Variants in SMOC2 observed in about 807,000 individuals in gnomAD.
The protein encoded by SMOC2 is SPARC related modular calcium binding 2.
In SMOC2, 39 loss-of-function variants were observed where a neutral mutation model predicts 61.4. That is an observed-to-expected ratio of 0.64 (90% CI 0.49 to 0.83). The LOEUF is 0.83. SMOC2 is among the 40% of genes least tolerant of loss of function. The pLI is 0.00. For synonymous variants in SMOC2, 247 were observed against 239.9 expected, an observed-to-expected ratio of 1.03 and a Z score of -0.27; for missense variants, 556 against 592.9, an observed-to-expected ratio of 0.94 and a Z score of 0.65.
intron 2 of SMOC2, among the ~76,000 whole-genome samples, chr6:168,518,749 ATGTG>A (rs202020602): frequency 1.2e-3 from 173 of 148,664 alleles, no homozygotes; most frequent in South Asian, 6.7e-3. Context: ...GTGAATGTGC[ATGTG>A]TGTGTGTTCA....
chr6:168,601,373 A>G (rs927822633), intron 8 of SMOC2, among the ~76,000 whole-genome samples: 33 of 152,340 alleles, frequency 2.2e-4, no homozygotes, highest in East Asian at 1.9e-3. Context: ...GACACTGCAC[A>G]GGGGTGCTGA....
intron 7 of SMOC2, among the ~76,000 whole-genome samples, chr6:168,595,992 C>CT (rs1785322041): frequency 7.4e-6 from 1 of 134,714 alleles, no homozygotes; most frequent in African/African-American, 2.6e-5. Flanking sequence ...AGAAGCGCTG[C>CT]GGCGGTGCTG....
chr6:168,509,117 C>A (rs1379964437), intron 1 of SMOC2, among the ~76,000 whole-genome samples: 1 of 152,194 alleles, frequency 6.6e-6, no homozygotes, highest in Non-Finnish European at 1.5e-5. Flanking sequence ...ACGGGGCCAG[C>A]ACGCCCAGAT....
intron 9 of SMOC2, among the ~76,000 whole-genome samples, chr6:168,624,115 A>C (rs945556234): frequency 1.5e-4 from 23 of 152,228 alleles, no homozygotes; most frequent in African/African-American, 5.5e-4. Flanking sequence ...CCACCACCAC[A>C]ACATTCAAAA....
In SMOC2 at chr6:168,664,103, A is replaced by G. The variant is rs118133242; in HGVS notation, c.1315A>G (p.Asn439Asp). The G allele has an allele frequency of 5.8e-3, 9,306 of 1,604,154 alleles. 50 individuals carry two copies. Among genetic ancestry groups the G allele is most frequent in the Non-Finnish European group, 6.3e-3 (7,357 of 1,176,456 alleles). Residue 439 changes from asparagine (N) to aspartate (D), a missense_variant, in exon 12 of 13, where the codon AAT (asparagine) becomes GAT (aspartate). Physicochemically the swap from Asn to Asp is conservative, Grantham distance 23 (BLOSUM62 1). Transcript: ENST00000356284. ...CAGAGGTCATGCTGAAAGTACGTCT[A>G]ATAGACAGGTAAGTATGTTTATATT... ...TPRGHAESTS[N>D]RQPRKQG
At chr6:168,520,483 G>A (rs1783303680) in intron 2 of SMOC2, among the ~76,000 whole-genome samples, 1 of 152,232 alleles carries the variant, frequency 6.6e-6, no homozygotes, top group Non-Finnish European at 1.5e-5. Flanking sequence ...ATGGGGAGAT[G>A]GCAGTGCAAG....
In SMOC2 at chr6:168,663,641, G is replaced by T. The variant is rs1425405795; in HGVS notation, c.1286-433G>T. Among the ~76,000 whole-genome samples, 13 of 152,130 alleles carry T rather than the reference G, an allele frequency of 8.5e-5. No individual in the cohort carries two copies. In the East Asian group the frequency reaches 2.5e-3, roughly 29 times the overall value. On this transcript the variant is annotated intron_variant, in intron 11 of 12. Transcript: ENST00000356284. Reference sequence around the variant, plus strand: ...TTTCATGATCCAGTACTCATAATTTGTGTTGAATGTATATATAGTTAGCTC... The same window carrying T: ...TTTCATGATCCAGTACTCATAATTTTTGTTGAATGTATATATAGTTAGCTC...
At chr6:168,647,287 C>T (rs11754545) in intron 9 of SMOC2, among the ~76,000 whole-genome samples, 21,145 of 152,220 alleles carry the variant, frequency 0.14, 1,656 homozygotes, top group East Asian at 0.21. Context: ...CCCCACCGTG[C>T]AGGCGGCTAA....
intron 9 of SMOC2, among the ~76,000 whole-genome samples, chr6:168,648,420 G>A (rs1787102885): frequency 6.6e-6 from 1 of 152,244 alleles, no homozygotes; most frequent in Non-Finnish European, 1.5e-5. Context: ...AGCCCTCCAA[G>A]TTGTTTTTCT....
At chr6:168,644,272 C>A (rs1337441535) in intron 9 of SMOC2, among the ~76,000 whole-genome samples, 2 of 152,228 alleles carry the variant, frequency 1.3e-5, no homozygotes, top group Non-Finnish European at 2.9e-5. Context: ...TTCTCTGATG[C>A]CTTTTCTTCA....
intron 2 of SMOC2, among the ~76,000 whole-genome samples, chr6:168,517,924 G>T (rs1442649461): frequency 5.9e-5 from 9 of 152,242 alleles, no homozygotes; most frequent in Non-Finnish European, 8.8e-5. Flanking sequence ...GGGCGCCGGA[G>T]CGCGAGCCTG....
At chr6:168,605,229 TC>T (rs1785656610) in intron 8 of SMOC2, among the ~76,000 whole-genome samples, 1 of 152,078 alleles carries the variant, frequency 6.6e-6, no homozygotes, top group African/African-American at 2.4e-5. Context: ...CAGCCTCTGT[TC>T]CTGGACCCCA....
chr6:168,466,911 G>T (rs1781846893), intron 1 of SMOC2, among the ~76,000 whole-genome samples: 1 of 152,172 alleles, frequency 6.6e-6, no homozygotes, highest in African/African-American at 2.4e-5. Context: ...TTTTGGAAAA[G>T]GGAGCTGTGT....
chr6:168,538,287 T>C, intron 4 of SMOC2, among the ~76,000 whole-genome samples: 1 of 89,656 alleles, frequency 1.1e-5, no homozygotes, highest in East Asian at 3.5e-4. Context: ...CCTGCTGGAA[T>C]GTGGGGGAGT....
intron 4 of SMOC2, among the ~76,000 whole-genome samples, chr6:168,532,839 C>G (rs1251543621): frequency 6.6e-6 from 1 of 152,160 alleles, no homozygotes; most frequent in Non-Finnish European, 1.5e-5. Context: ...AAAGTAGGGA[C>G]CAGGCCTCAT....
At chr6:168,537,339 G>T (rs2115090449) in intron 4 of SMOC2, among the ~76,000 whole-genome samples, 1 of 152,264 alleles carries the variant, frequency 6.6e-6, no homozygotes, top group Admixed American at 6.5e-5. Context: ...ACAGCACTCT[G>T]CAGGCTGTGA....
chr6:168,445,798 A>T (rs1781319396), intron 1 of SMOC2, among the ~76,000 whole-genome samples: 1 of 152,214 alleles, frequency 6.6e-6, no homozygotes, highest in South Asian at 2.1e-4. Flanking sequence ...CTAAAAACCC[A>T]AACATCTGGA....
chr6:168,523,079 ATT>A lies in SMOC2; in HGVS notation c.257-3248_257-3247del, dbSNP rs1554287070. Among the ~76,000 whole-genome samples, 6 of 93,694 alleles carry A rather than the reference ATT, an allele frequency of 6.4e-5. 1 individual carries two copies. Among genetic ancestry groups the A allele is most frequent in the African/African-American group, 3.3e-5 (1 of 30,142 alleles). The allele number at this position is 93,694 out of a possible 152,430, so 61.5% of individuals were successfully genotyped here. ...TTATGTTATTTGTAGTTGTACAGTA[ATT>A]TTTTTTTTTTTTTTTTTTGAGACGG... is the stretch of plus-strand genomic sequence containing the variant. On this transcript the variant is annotated intron_variant, in intron 2 of 12. Coordinates refer to ENST00000356284, the MANE Select transcript of SMOC2 (RefSeq NM_001166412.2).
intron 1 of SMOC2, among the ~76,000 whole-genome samples, chr6:168,470,012 T>C (rs890465466): frequency 6.6e-6 from 1 of 152,254 alleles, no homozygotes; most frequent in Admixed American, 6.5e-5. Flanking sequence ...TAAGTGACTG[T>C]GTGCTTCAGT....
Sources: allele counts gnomAD v4.1 joint callset (sites outside exome capture counted in the v4.1 genomes callset), GRCh38; gene constraint gnomAD v4.1.1; transcripts MANE v1.5; gene names NCBI Gene and HGNC (gene_info 2026-07-23, HGNC 2026-07-21).